Variants in IRAK1 observed in about 807,000 individuals in gnomAD.
IRAK1 encodes interleukin 1 receptor associated kinase 1, also known as interleukin-1 receptor-associated kinase 1.
IRAK1 carries 9 observed loss-of-function variants against 49.8 expected under a neutral mutation model. The ratio of observed to expected loss-of-function variants is 0.18; its 90% CI spans 0.11 to 0.32. The LOEUF is 0.32. Ranked by LOEUF, IRAK1 falls within the 10% of genes least tolerant of loss-of-function variation. IRAK1 has a pLI of 1.00. For missense variants in IRAK1, 418 were observed against 600.5 expected (o/e 0.70, Z 3.18); for synonymous variants, 282 against 270.8 (o/e 1.04, Z -0.41).
rs11465837 is a variant in IRAK1 at position 154,015,967 on chromosome X, TG to T, written c.1302+64del. On this transcript the variant is annotated intron_variant, in intron 10 of 13. Coordinates refer to ENST00000369980, the MANE Select transcript of IRAK1 (RefSeq NM_001569.4). The stretch of plus-strand genomic sequence containing the variant: ...ACTGCGCCCCAGTTATCCCCGCCAC[TG>T]GGGCTGTGCCTGCTGGCTGCCAGCA... 131 of 966,930 alleles carry T rather than the reference TG, an allele frequency of 1.4e-4. No homozygotes were observed. In the African/African-American group the frequency reaches 1.9e-3, roughly 14 times the overall value. The allele number at this position is 966,930 out of a possible 1,213,427, so 79.7% of individuals were successfully genotyped here.
intron 12 of IRAK1, 133 bp downstream of exon 12, chrX:154,012,910 C>T: frequency 1.1e-6 from 1 of 896,059 alleles, no homozygotes; most frequent in Non-Finnish European, 1.5e-6. Flanking sequence ...GAGGGGAAAC[C>T]AGGGTTGCTA....
chrX:154,017,615 G>A (rs781914738), intron 7 of IRAK1, among the ~76,000 whole-genome samples: 24 of 110,413 alleles, frequency 2.2e-4, no homozygotes, highest in Non-Finnish European at 4.0e-4. Context: ...GGCCAATGTG[G>A]CAAAACCTCA....
At position 154,013,130 on chromosome X, in the gene IRAK1, G is replaced by A; in HGVS notation, c.1843C>T (p.Leu615Phe). 1.7e-6 allele frequency: 2 copies of A among 1,209,875 alleles called. No individual in the cohort carries two copies. Among genetic ancestry groups the A allele is most frequent in the South Asian group, 1.8e-5 (1 of 56,835 alleles). The part of the protein sequence containing the change: ...TPSCPLDPAP[L>F]REAGCPQGDT... ...CCCTGAGGACAGCCGGCCTCCCTGA[G>A]GGGTGCTGGGTCCAGAGGGCAGCTT... Residue 615 changes from leucine to phenylalanine, a missense_variant, in exon 12 of 14, where the codon CTC (leucine) becomes TTC (phenylalanine). Coordinates refer to ENST00000369980, the MANE Select transcript of IRAK1 (RefSeq NM_001569.4).
intron 7 of IRAK1, among the ~76,000 whole-genome samples, chrX:154,017,280 TC>T (rs2065746123): frequency 8.9e-6 from 1 of 112,246 alleles, no homozygotes; most frequent in Non-Finnish European, 1.9e-5. Context: ...GGGCTTCGGC[TC>T]CCAGGGCTCA....
At chrX:154,013,991 G>A (rs1557128365) in intron 11 of IRAK1, 51 bp downstream of exon 11, 1 of 1,176,845 alleles carries the variant, frequency 8.5e-7, no homozygotes, top group South Asian at 1.9e-5. Flanking sequence ...AGCAAGGCCT[G>A]GAATGCGGGC....
At chrX:154,013,484 T>G (rs1557128212) in intron 11 of IRAK1, 51 bp from the exon 12 acceptor site, 1 of 1,121,969 alleles carries the variant, frequency 8.9e-7, no homozygotes, top group South Asian at 2.1e-5. Flanking sequence ...CCCTGGCCGG[T>G]CACCCCGTGG....
At chrX:154,013,746 T>G (rs781882635) in intron 11 of IRAK1, among the ~76,000 whole-genome samples, 2 of 112,729 alleles carry the variant, frequency 1.8e-5, no homozygotes, top group East Asian at 5.6e-4. Flanking sequence ...GGTGGGGTAC[T>G]AGGGAGGGGA....
In IRAK1 at chrX:154,016,956, T is replaced by C. The variant is rs782369759; in HGVS notation, c.1021A>G (p.Ile341Val). Residue 341 changes from isoleucine to valine, a missense_variant, in exon 8 of 14, where the codon ATC becomes GTC. Ile to Val is a conservative substitution (Grantham distance 29). Transcript: ENST00000369980. The part of the protein sequence containing the change: ...QDSPSLIHGD[I>V]KSSNVLLDER... ...TCAAGGGCCCCTCCTCACCTCTTGA[T>C]GTCTCCATGGATGAGGCTGGGGCTG... 8.4e-7 allele frequency: 1 copy of C among 1,191,240 alleles called. No individual in the cohort carries two copies. Among genetic ancestry groups the C allele is most frequent in the South Asian group, 1.8e-5 (1 of 56,532 alleles).
In IRAK1 at chrX:154,012,384, G is replaced by A; in HGVS notation, c.2080+145C>T. On this transcript the variant is annotated intron_variant, in intron 13 of 13. Coordinates refer to ENST00000369980, the MANE Select transcript of IRAK1 (RefSeq NM_001569.4). ...GGGTCTTGCTAAGGGAGGCATGTGG[G>A]GCCGGCTGGGCTTCTAGAGGTCGCC... 3 of 601,225 alleles carry A rather than the reference G, an allele frequency of 5.0e-6. No homozygotes were observed. In the East Asian group the frequency reaches 1.1e-4, roughly 21 times the overall value. The allele number at this position is 601,225 out of a possible 1,213,427, so 49.5% of individuals were successfully genotyped here. A position where few individuals can be genotyped will look rare whatever the true frequency, so the allele number is the denominator to read the frequency against.
chrX:154,018,585 G>C lies in IRAK1; in HGVS notation c.729+14C>G. 1 of 1,181,659 alleles carries C rather than the reference G, an allele frequency of 8.5e-7. No homozygotes were observed. Among genetic ancestry groups the C allele is most frequent in the Non-Finnish European group, 1.1e-6 (1 of 871,358 alleles). ...GATGGCCTTCCAGGGTCCCTGCCAG[G>C]GTGCGACACTCACCTCCTTCAGCCT... On this transcript the variant is annotated intron_variant, in intron 5 of 13. Transcript: ENST00000369980.
chrX:154,015,140 C>T (rs185325790), intron 10 of IRAK1, among the ~76,000 whole-genome samples: 3 of 112,167 alleles, frequency 2.7e-5, no homozygotes, highest in Non-Finnish European at 5.7e-5. Flanking sequence ...CAGCAGGGAG[C>T]GCCCCGAGTC....
At chrX:154,015,835 T>G (rs2065735238) in intron 10 of IRAK1, among the ~76,000 whole-genome samples, 197 bp downstream of exon 10, 1 of 112,732 alleles carries the variant, frequency 8.9e-6, no homozygotes, top group African/African-American at 3.2e-5. Flanking sequence ...AGGCCCATAG[T>G]GTCTGCAGGA....
rs2065766221 is a variant in IRAK1, at chrX:154,019,489, G to A, written c.246C>T (p.Asp82=). Residue 82 remains aspartate (D), a synonymous_variant, in exon 2 of 14, where the codon GAC becomes GAT. Transcript: ENST00000369980. ...PWINRNARVA[D]LVHILTHLQL... is the part of the protein sequence containing the mutation. ...GCAGGTGCGTGAGGATGTGCACGAG[G>A]TCGGCCACACGGGCGTTGCGGTTGA... 2 of 1,176,262 alleles carry A rather than the reference G, an allele frequency of 1.7e-6. No homozygotes were observed. The highest frequency in any genetic ancestry group is 1.8e-5 in the African/African-American group (1 of 56,828).
rs2065770868 is a variant in IRAK1, at chrX:154,019,841, GGGGCCTCTCA to G, written c.-39_-30del. 1 of 793,023 alleles carries G rather than the reference GGGGCCTCTCA, an allele frequency of 1.3e-6. No individual in the cohort carries two copies. The highest frequency in any genetic ancestry group is 2.3e-5 in the African/African-American group (1 of 43,750). 65.4% of individuals were successfully genotyped at this position (793,023 alleles called of 1,213,427 possible). Reference sequence around the variant, plus strand: ...TGCCGCCGCCGGGCCGGGACCTGCCGGGGCCTCTCAGGGCCGCGGCGGGCGCGGGCCTGGG... The same window carrying G: ...TGCCGCCGCCGGGCCGGGACCTGCCGGGGCCGCGGCGGGCGCGGGCCTGGG... On this transcript the variant is annotated 5_prime_UTR_variant, in exon 1 of 14. Coordinates refer to ENST00000369980, the MANE Select transcript of IRAK1 (RefSeq NM_001569.4).
chrX:154,017,916 G>A, intron 7 of IRAK1, 90 bp downstream of exon 7: 1 of 624,778 alleles, frequency 1.6e-6, no homozygotes, highest in South Asian at 2.4e-5. Context: ...CACTCACACA[G>A]GCTGAAAGCC....
In IRAK1 at chrX:154,019,447, C is replaced by A; in HGVS notation, c.288G>T (p.Arg96=). The A allele has an allele frequency of 8.8e-7, 1 of 1,130,017 alleles. No homozygotes were observed. The highest frequency in any genetic ancestry group is 1.2e-6 in the Non-Finnish European group (1 of 842,393). The allele number at this position is 1,130,017 out of a possible 1,213,427, so 93.1% of individuals were successfully genotyped here. ...ILTHLQLLRA[R]DIITAWHPPA... ...CGCGCTCACAGGCTGTGATGATGTC[C>A]CGCGCACGGAGCAGCTGCAGGTGCG... Residue 96 remains arginine (R), a synonymous_variant, in exon 2 of 14, where the codon CGG becomes CGT. Transcript: ENST00000369980.
chrX:154,016,973 C>G lies in IRAK1; in HGVS notation c.1004G>C (p.Ser335Thr). ...AIQFLHQDSP[S>T]LIHGDIKSSN... Reference sequence around the variant, plus strand: ...CCTCTTGATGTCTCCATGGATGAGGCTGGGGCTGTCCTGATGTAGAAACTG... The same window carrying G: ...CCTCTTGATGTCTCCATGGATGAGGGTGGGGCTGTCCTGATGTAGAAACTG... Residue 335 changes from serine to threonine, a missense_variant, in exon 8 of 14, where the codon AGC becomes ACC. Ser to Thr is a moderately conservative substitution (Grantham distance 58). This residue lies in a region of IRAK1 where 377 missense variants were observed against 499.5 expected (regional missense o/e 0.75). Coordinates refer to ENST00000369980, the MANE Select transcript of IRAK1 (RefSeq NM_001569.4). 2 of 1,203,827 alleles carry G rather than the reference C, an allele frequency of 1.7e-6. No homozygotes were observed. Among genetic ancestry groups the G allele is most frequent in the Non-Finnish European group, 2.3e-6 (2 of 887,852 alleles).
rs369604269 is a variant in IRAK1, at chrX:154,013,103, C to T, written c.1870G>A (p.Asp624Asn). Residue 624 changes from aspartate to asparagine, a missense_variant, in exon 12 of 14, where the codon GAC becomes AAC. Around this residue, in one of 3 missense-constraint regions of IRAK1, gnomAD observed 377 missense variants for 499.5 expected, o/e 0.75. Coordinates refer to ENST00000369980, the MANE Select transcript of IRAK1 (RefSeq NM_001569.4). Reference sequence around the variant, plus strand: ...CCCCAGCTCGATTCTCCTGCCGTGTCCCCCTGAGGACAGCCGGCCTCCCTG... The same window carrying T: ...CCCCAGCTCGATTCTCCTGCCGTGTTCCCCTGAGGACAGCCGGCCTCCCTG... Reference protein sequence around the residue: ...PLREAGCPQGDTAGESSWGSG... With the variant: ...PLREAGCPQGNTAGESSWGSG... 3.3e-6 allele frequency: 4 copies of T among 1,209,114 alleles called. No homozygotes were observed. Among genetic ancestry groups the T allele is most frequent in the Non-Finnish European group, 3.4e-6 (3 of 895,207 alleles).
At chrX:154,012,842 G>C (rs991833120) in intron 12 of IRAK1, among the ~76,000 whole-genome samples, 164 bp from the exon 13 acceptor site, 3 of 112,679 alleles carry the variant, frequency 2.7e-5, no homozygotes, top group Non-Finnish European at 3.8e-5. Flanking sequence ...CAGCCTTCAG[G>C]AATGGGGTGG....
Sources: allele counts gnomAD v4.1 joint callset (sites outside exome capture counted in the v4.1 genomes callset), GRCh38; gene constraint gnomAD v4.1.1; regional missense constraint gnomAD v4.1.1; transcripts MANE v1.5; gene names NCBI Gene and HGNC (gene_info 2026-07-23, HGNC 2026-07-21).